The following ZNF782 variants were observed in gnomAD, a reference collection of about 807,000 sequenced individuals.
ZNF782 encodes the protein zinc finger protein 782.
A neutral mutation model predicts 13.0 loss-of-function variants in ZNF782; 12 were observed. That is an observed-to-expected ratio of 0.92 (90% CI 0.59 to 1.50). The LOEUF (loss-of-function observed/expected upper bound fraction) is 1.50. Ranked by LOEUF, ZNF782 falls within the 40% of genes most tolerant of loss-of-function variation. ZNF782 has a pLI of 0.00. For missense variants in ZNF782, 770 were observed against 822.9 expected (o/e 0.94, Z 0.79); for synonymous variants, 284 against 283.0 (o/e 1.00, Z -0.04).
intron 1 of ZNF782, among the ~76,000 whole-genome samples, chr9:96,867,082 T>C (rs1851764266): frequency 6.6e-6 from 1 of 152,190 alleles, no homozygotes; most frequent in East Asian, 1.9e-4. Context: ...GTTAAGACTT[T>C]AGGGAACTGT....
At position 96,827,075 on chromosome 9, in the gene ZNF782, C is replaced by A; in HGVS notation, c.244+5G>T. The A allele has an allele frequency of 1.9e-6, 3 of 1,596,782 alleles. No homozygotes were observed. Among genetic ancestry groups the A allele is most frequent in the Non-Finnish European group, 2.6e-6 (3 of 1,168,798 alleles). ...ACCTTCTTCTTGTTGAATTCAGTAA[C>A]TCACCTGGGGAGTTCCTGCTTAGAA... is the stretch of plus-strand genomic sequence containing the variant. On this transcript the variant is annotated splice_donor_5th_base_variant and intron_variant, in intron 5 of 5. Coordinates refer to ENST00000481138, the MANE Select transcript of ZNF782 (RefSeq NM_001001662.3).
intron 3 of ZNF782, among the ~76,000 whole-genome samples, chr9:96,846,719 G>A (rs1009573857): frequency 6.6e-6 from 1 of 152,146 alleles, no homozygotes; most frequent in Non-Finnish European, 1.5e-5. Flanking sequence ...CCTAAGAAAT[G>A]AGATAGACAG....
At chr9:96,836,112 G>A (rs1362743899) in intron 4 of ZNF782, among the ~76,000 whole-genome samples, 1 of 152,226 alleles carries the variant, frequency 6.6e-6, no homozygotes, top group Non-Finnish European at 1.5e-5. Flanking sequence ...GTGGGACATG[G>A]AGTCAAAGGA....
At chr9:96,929,130 T>C in the ZNF782 span, 1 of 1,569,276 alleles carries the variant, frequency 6.4e-7, no homozygotes, top group Admixed American at 1.7e-5. Flanking sequence ...GGACAGCTTA[T>C]AGGGCTGATG....
At chr9:96,830,499 T>C (rs1850763735) in intron 4 of ZNF782, among the ~76,000 whole-genome samples, 1 of 152,128 alleles carries the variant, frequency 6.6e-6, no homozygotes, top group Non-Finnish European at 1.5e-5. Context: ...TCAGCAGTAA[T>C]GACAATCCCT....
upstream of ZNF782, among the ~76,000 whole-genome samples, chr9:96,876,101 G>A (rs1376020094): frequency 1.3e-5 from 2 of 152,180 alleles, no homozygotes; most frequent in Non-Finnish European, 2.9e-5. Context: ...CTTTGCTGCC[G>A]AATACGGTGC....
rs1850647335 is a variant in ZNF782 at position 96,827,082 on chromosome 9, G to A, written c.242C>T (p.Pro81Leu). ...TCTTGTTGAATTCAGTAACTCACCT[G>A]GGGAGTTCCTGCTTAGAAATCCTTT... ...KEKGFLSRNS[P>L]EDSQPDEISE... Residue 81 changes from proline (P) to leucine (L), a missense_variant and splice_region_variant, in exon 5 of 6, where the codon CCA (proline) becomes CTA (leucine). Transcript: ENST00000481138. 1.9e-6 allele frequency: 3 copies of A among 1,604,640 alleles called. No individual in the cohort carries two copies. In the South Asian group the frequency reaches 3.3e-5, roughly 18 times the overall value.
intron 4 of ZNF782, among the ~76,000 whole-genome samples, chr9:96,834,212 C>T (rs930602087): frequency 9.9e-5 from 15 of 152,186 alleles, no homozygotes; most frequent in African/African-American, 2.9e-4. Flanking sequence ...ATCATAGGGA[C>T]GGTTTCCCCC....
intron 2 of ZNF782, chr9:96,860,504 GATCCAAGACCACCAAT>G (rs1183109255): frequency 6.6e-6 from 1 of 152,226 alleles, no homozygotes; most frequent in East Asian, 1.9e-4. Context: ...CTCCAGGTCT[GATCCAAGACCACCAAT>G]GTGGTGCCTC....
chr9:96,931,747 G>A, the ZNF782 span: 18 of 1,611,472 alleles, frequency 1.1e-5, no homozygotes, highest in Non-Finnish European at 1.5e-5. Flanking sequence ...GACCCGGCGT[G>A]ACCGTGAACC....
chr9:96,864,986 C>G (rs963360461), intron 1 of ZNF782, among the ~76,000 whole-genome samples: 3 of 151,744 alleles, frequency 2.0e-5, no homozygotes, highest in African/African-American at 7.3e-5. Context: ...TTTGAGTCTG[C>G]TGTGAGCTAG....
the ZNF782 span, chr9:96,887,527 C>CA: frequency 6.6e-6 from 1 of 152,112 alleles, no homozygotes; most frequent in Non-Finnish European, 1.5e-5. Flanking sequence ...GCTGGATCTA[C>CA]AAAAACTCAC....
At chr9:96,875,361 T>C (rs1251145471) in intron 1 of ZNF782, 4 of 413,512 alleles carry the variant, frequency 9.7e-6, no homozygotes, top group Non-Finnish European at 2.0e-5. Flanking sequence ...TACAGCCAAG[T>C]GTATGATTTA....
chr9:96,874,328 A>G (rs937219119), intron 1 of ZNF782, among the ~76,000 whole-genome samples: 23 of 152,164 alleles, frequency 1.5e-4, no homozygotes, highest in African/African-American at 5.1e-4. Context: ...TCACGGTGGA[A>G]TTCTGTGAGG....
At chr9:96,918,145 T>C in the ZNF782 span, among the ~76,000 whole-genome samples, 2 of 151,206 alleles carry the variant, frequency 1.3e-5, no homozygotes, top group South Asian at 4.2e-4. Context: ...CTCACGCTTA[T>C]AATCCCAGCA....
At chr9:96,864,153 T>G (rs1466585802) in intron 1 of ZNF782, among the ~76,000 whole-genome samples, 1 of 149,442 alleles carries the variant, frequency 6.7e-6, no homozygotes, top group African/African-American at 2.4e-5. Context: ...ACACATTTAA[T>G]TCAAACTGAG....
the ZNF782 span, among the ~76,000 whole-genome samples, chr9:96,912,872 G>T: frequency 6.7e-6 from 1 of 150,324 alleles, no homozygotes; most frequent in Non-Finnish European, 1.5e-5. Flanking sequence ...GGTTTTTTTT[G>T]GCCTGTTTGA....
the ZNF782 span, chr9:96,919,051 A>T: frequency 8.6e-5 from 19 of 221,634 alleles, no homozygotes; most frequent in Admixed American, 8.4e-4. Context: ...AAGAAAGAAG[A>T]CAGGGATATA....
At chr9:96,894,930 C>T in the ZNF782 span, 2 of 152,146 alleles carry the variant, frequency 1.3e-5, no homozygotes, top group Admixed American at 1.3e-4. Context: ...TGCTACGTTG[C>T]CCAAGCAGGC....
Sources: gnomAD v4.1 joint callset for allele counts (sites outside exome capture counted in the v4.1 genomes callset) on GRCh38, gnomAD v4.1.1 for gene constraint, MANE v1.5 for transcripts, NCBI Gene and HGNC (gene_info 2026-07-23, HGNC 2026-07-21) for gene names.